Variants in NCOA2 observed in about 807,000 individuals in gnomAD.
The protein encoded by NCOA2 is class E basic helix-loop-helix protein 75.
Under a neutral mutation model 145.1 loss-of-function variants are expected in NCOA2, and 21 were observed. The observed-to-expected ratio is 0.14, with a 90% CI of 0.10 to 0.21. The LOEUF is 0.21. Ranked by LOEUF, NCOA2 falls within the 10% of genes least tolerant of loss-of-function variation. NCOA2 has a pLI of 1.00. For missense variants in NCOA2, 1,472 were observed against 1,837.6 expected (o/e 0.80, Z 3.64); for synonymous variants, 619 against 637.5 (o/e 0.97, Z 0.44).
intron 2 of NCOA2, among the ~76,000 whole-genome samples, chr8:70,235,954 T>C (rs1184892765): frequency 1.3e-5 from 2 of 152,172 alleles, no homozygotes; most frequent in Non-Finnish European, 2.9e-5. Flanking sequence ...CCCTACGGGT[T>C]TCCCACATCT....
chr8:70,295,756 A>C (rs1157187565), intron 2 of NCOA2, among the ~76,000 whole-genome samples: 1 of 152,114 alleles, frequency 6.6e-6, no homozygotes, highest in African/African-American at 2.4e-5. Context: ...AGCCTGGCCA[A>C]TATGGTGAAA....
chr8:70,238,293 A>C, intron 2 of NCOA2, among the ~76,000 whole-genome samples: 1 of 152,220 alleles, frequency 6.6e-6, no homozygotes. Flanking sequence ...AAAAACAAAC[A>C]AAATAACAAT....
intron 1 of NCOA2, among the ~76,000 whole-genome samples, chr8:70,396,328 GC>G (rs1258154428): frequency 6.6e-6 from 1 of 152,136 alleles, no homozygotes; most frequent in African/African-American, 2.4e-5. Flanking sequence ...TATTTTCTGA[GC>G]TTTTTATTGT....
chr8:70,451,513 A>G, the NCOA2 span, among the ~76,000 whole-genome samples: 3 of 151,426 alleles, frequency 2.0e-5, no homozygotes, highest in Non-Finnish European at 4.4e-5. Context: ...AAATCCTTTC[A>G]TTTATAATGT....
At chr8:70,376,933 C>G (rs1270685823) in intron 1 of NCOA2, among the ~76,000 whole-genome samples, 3 of 152,210 alleles carry the variant, frequency 2.0e-5, no homozygotes, top group African/African-American at 7.2e-5. Flanking sequence ...TACTTGACCC[C>G]TGGAGCAGCC....
chr8:70,187,948 G>C (rs1292559907), intron 4 of NCOA2, among the ~76,000 whole-genome samples: 1 of 152,164 alleles, frequency 6.6e-6, no homozygotes. Flanking sequence ...TCCCCCAGTG[G>C]CAGTTTGAAA....
chr8:70,129,945 C>T (rs1237130602), intron 16 of NCOA2, among the ~76,000 whole-genome samples: 1 of 152,232 alleles, frequency 6.6e-6, no homozygotes, highest in African/African-American at 2.4e-5. Flanking sequence ...GCTGGGATTA[C>T]AGGCGTGAGC....
At chr8:70,123,714 C>A in intron 21 of NCOA2, 170 bp downstream of exon 21, 1 of 464,206 alleles carries the variant, frequency 2.2e-6, no homozygotes, top group Non-Finnish European at 3.7e-6. Context: ...TAATCATTAA[C>A]AAAGATTTTT....
intron 19 of NCOA2, among the ~76,000 whole-genome samples, chr8:70,125,858 A>T (rs1163996180): frequency 1.3e-5 from 2 of 152,224 alleles, no homozygotes; most frequent in Non-Finnish European, 2.9e-5. Flanking sequence ...ACTTTTCTAA[A>T]TCATCAAGAA....
At chr8:70,400,678 C>T (rs1814152842) in intron 1 of NCOA2, among the ~76,000 whole-genome samples, 1 of 152,132 alleles carries the variant, frequency 6.6e-6, no homozygotes, top group South Asian at 2.1e-4. Flanking sequence ...TTACAAAAAA[C>T]ATCTCAAGAG....
chr8:70,252,227 G>A (rs1823250013), intron 2 of NCOA2, among the ~76,000 whole-genome samples: 1 of 152,154 alleles, frequency 6.6e-6, no homozygotes, highest in Non-Finnish European at 1.5e-5. Context: ...CTCCCAAACT[G>A]TTATTAAGTC....
At chr8:70,296,678 T>A (rs1273433979) in intron 2 of NCOA2, 66 bp downstream of exon 2, 2 of 152,194 alleles carry the variant, frequency 1.3e-5, no homozygotes, top group Admixed American at 1.3e-4. Flanking sequence ...CTAAACTATA[T>A]AAAGAATTTT....
At chr8:70,255,590 C>A (rs796604772) in intron 2 of NCOA2, among the ~76,000 whole-genome samples, 3 of 152,272 alleles carry the variant, frequency 2.0e-5, no homozygotes, top group African/African-American at 7.2e-5. Context: ...CAAGGGTGAG[C>A]CCTATCGTGG....
chr8:70,403,361 T>G (rs1164010373), intron 1 of NCOA2, among the ~76,000 whole-genome samples: 1 of 150,382 alleles, frequency 6.6e-6, no homozygotes, highest in Non-Finnish European at 1.5e-5. Context: ...GGCTGCAGCC[T>G]CCGCCCGCCT....
chr8:70,156,479 T>C lies in NCOA2; in HGVS notation c.1886A>G (p.Gln629Arg), dbSNP rs1218497603. The change falls in exon 11 of 23, where the codon CAG becomes CGG. Residue 629 changes from glutamine (Q) to arginine (R), a missense_variant. Gln to Arg is a conservative substitution (Grantham distance 43). Coordinates refer to ENST00000452400, the MANE Select transcript of NCOA2 (RefSeq NM_006540.4). ...CCCTTTGCTGTCATGCAGTCTGCTC[T>C]GCCCGTCAGCTCTCTCACTGCTCAC... ...PAVSSERADG[Q>R]SRLHDSKGQT... The C allele has an allele frequency of 2.5e-6, 4 of 1,613,848 alleles. No individual in the cohort carries two copies. The highest frequency in any genetic ancestry group is 1.3e-5 in the African/African-American group (1 of 74,940).
intron 9 of NCOA2, among the ~76,000 whole-genome samples, chr8:70,160,424 G>C (rs1024061915): frequency 2.0e-5 from 3 of 152,056 alleles, no homozygotes; most frequent in Non-Finnish European, 4.4e-5. Context: ...TAAAAGAATT[G>C]AGATTTATCT....
chr8:70,400,595 T>A (rs1814144975), intron 1 of NCOA2, among the ~76,000 whole-genome samples: 1 of 152,214 alleles, frequency 6.6e-6, no homozygotes, highest in Non-Finnish European at 1.5e-5. Context: ...AAATTTTGAA[T>A]GTTGTTTTTA....
rs1034445619 is a variant in NCOA2 at position 70,241,850 on chromosome 8, A to G, written c.-19-25086T>C. 2.6e-5 allele frequency among the ~76,000 whole-genome samples: 4 copies of G among 152,214 alleles called. No individual in the cohort carries two copies. In the South Asian group the frequency reaches 8.3e-4, roughly 31 times the overall value. The stretch of plus-strand genomic sequence containing the variant: ...AAGTTCTACATAAAAGATAAGCTTT[A>G]AAACTACCGTTAATTGTTTTGCAAA... On this transcript the variant is annotated intron_variant, in intron 2 of 22. Transcript: ENST00000452400.
At chr8:70,123,304 G>C (rs560458603) in intron 21 of NCOA2, among the ~76,000 whole-genome samples, 2 of 152,332 alleles carry the variant, frequency 1.3e-5, no homozygotes, top group East Asian at 3.9e-4. Context: ...ATGGCAGGTA[G>C]TTTGGCCTTT....
Sources: gnomAD v4.1 joint callset for allele counts (sites outside exome capture counted in the v4.1 genomes callset) on GRCh38, gnomAD v4.1.1 for gene constraint, MANE v1.5 for transcripts, NCBI Gene and HGNC (gene_info 2026-07-23, HGNC 2026-07-21) for gene names.